UNC13C: variants seen among roughly 807,000 people sequenced by gnomAD.
UNC13C encodes protein unc-13 homolog C.
A neutral mutation model predicts 245.4 loss-of-function variants in UNC13C; 174 were observed. The observed-to-expected ratio is 0.71, with a 90% CI of 0.63 to 0.80. The LOEUF (loss-of-function observed/expected upper bound fraction) is 0.80. Ranked by LOEUF, UNC13C falls within the 30% of genes least tolerant of loss-of-function variation. The pLI is 0.00. For missense variants in UNC13C, 2,829 were observed against 2,602.9 expected (o/e 1.09, Z -1.89); for synonymous variants, 992 against 895.1 (o/e 1.11, Z -1.93).
the UNC13C span, among the ~76,000 whole-genome samples, chr15:53,861,597 C>A: frequency 6.6e-6 from 1 of 151,998 alleles, no homozygotes; most frequent in South Asian, 2.1e-4. Flanking sequence ...CCTGGGGCAA[C>A]AATTAAAGTA....
At chr15:54,202,336 A>C (rs2034549494) in intron 4 of UNC13C, among the ~76,000 whole-genome samples, 1 of 152,012 alleles carries the variant, frequency 6.6e-6, no homozygotes, top group Admixed American at 6.6e-5. Flanking sequence ...ACTCATATGG[A>C]ACCAAAAAAG....
chr15:54,564,402 AT>A (rs1897420359), intron 29 of UNC13C, among the ~76,000 whole-genome samples: 1 of 152,004 alleles, frequency 6.6e-6, no homozygotes, highest in African/African-American at 2.4e-5. Flanking sequence ...CACACACCTT[AT>A]TTATGATTTC....
intron 2 of UNC13C, among the ~76,000 whole-genome samples, chr15:54,029,642 G>A (rs1241725359): frequency 6.6e-6 from 1 of 152,192 alleles, no homozygotes; most frequent in Non-Finnish European, 1.5e-5. Context: ...ATTATTATTA[G>A]TAATCAGCAA....
At chr15:54,120,284 A>T (rs1263699642) in intron 2 of UNC13C, among the ~76,000 whole-genome samples, 1 of 152,146 alleles carries the variant, frequency 6.6e-6, no homozygotes, top group Non-Finnish European at 1.5e-5. Flanking sequence ...TCCATTTTGC[A>T]TTCTGAAAAT....
At chr15:54,254,029 G>T (rs1235590493) in intron 8 of UNC13C, among the ~76,000 whole-genome samples, 1 of 152,216 alleles carries the variant, frequency 6.6e-6, no homozygotes, top group Admixed American at 6.5e-5. Flanking sequence ...TTTGTGAGAT[G>T]TGTTCTTTAG....
At chr15:54,056,643 C>A (rs1897540519) in intron 2 of UNC13C, among the ~76,000 whole-genome samples, 2 of 152,174 alleles carry the variant, frequency 1.3e-5, no homozygotes, top group Admixed American at 1.3e-4. Context: ...AGAGCAACTC[C>A]AAGACACATA....
chr15:54,414,923 T>G, intron 18 of UNC13C, 59 bp from the exon 19 acceptor site: 1 of 1,187,824 alleles, frequency 8.4e-7, no homozygotes, highest in Non-Finnish European at 1.2e-6. Context: ...AAATGCTGTA[T>G]TTTGGTTTTT....
At chr15:54,552,378 C>G (rs1307131085) in intron 28 of UNC13C, among the ~76,000 whole-genome samples, 1 of 98,418 alleles carries the variant, frequency 1.0e-5, no homozygotes, top group Non-Finnish European at 1.9e-5. Context: ...TTATATATTA[C>G]AGCATATAAT....
chr15:54,282,247 A>G (rs2037016692), intron 10 of UNC13C, among the ~76,000 whole-genome samples: 1 of 152,244 alleles, frequency 6.6e-6, no homozygotes, highest in Non-Finnish European at 1.5e-5. Context: ...AATCATAAAT[A>G]TATGAACACA....
At chr15:53,898,411 TAC>T in the UNC13C span, among the ~76,000 whole-genome samples, 93,280 of 150,872 alleles carry the variant, frequency 0.62, 29,156 homozygotes, top group African/African-American at 0.72. Flanking sequence ...TCCAGACACA[TAC>T]ACACACACAC....
At chr15:53,866,314 C>T in the UNC13C span, among the ~76,000 whole-genome samples, 2 of 152,036 alleles carry the variant, frequency 1.3e-5, no homozygotes, top group African/African-American at 2.4e-5. Flanking sequence ...AAGGAATAAA[C>T]ACAACTAATG....
At chr15:54,631,000 A>G (rs368263835), downstream of UNC13C, 4 of 152,116 alleles carry the variant, frequency 2.6e-5, no homozygotes, top group East Asian at 3.9e-4. Context: ...ATATTTATTA[A>G]AAAGTATATA....
At chr15:54,531,019 A>G (rs192336698) in intron 25 of UNC13C, among the ~76,000 whole-genome samples, 2 of 152,270 alleles carry the variant, frequency 1.3e-5, no homozygotes, top group Non-Finnish European at 2.9e-5. Flanking sequence ...CACAGGTTCA[A>G]GTGGGAGGAT....
Position 54,338,480 on chromosome 15 carries a change from A to G in UNC13C, c.4704A>G (p.Leu1568=). ...ACTGCCATGAACTCTACTCCCAGCT[A>G]ACAGACCCGGTAAGAAAATATGTAT... ...FDNCHELYSQ[L]TDPSKKQDIP... is the part of the protein sequence containing the mutation. Residue 1568 remains leucine, a synonymous_variant, in exon 17 of 33, where the codon CTA becomes CTG. Transcript: ENST00000260323. 1 of 1,612,950 alleles carries G rather than the reference A, an allele frequency of 6.2e-7. No individual in the cohort carries two copies. The highest frequency in any genetic ancestry group is 1.3e-5 in the African/African-American group (1 of 75,028).
chr15:54,612,194 A>G (rs1851006), intron 30 of UNC13C, among the ~76,000 whole-genome samples: 72,311 of 151,780 alleles, frequency 0.48, 17,423 homozygotes, highest in East Asian at 0.57. Flanking sequence ...CATCATCAAT[A>G]GTGGACTCGA....
chr15:54,137,194 A>G (rs938458040), intron 2 of UNC13C, among the ~76,000 whole-genome samples: 1 of 152,202 alleles, frequency 6.6e-6, no homozygotes. Flanking sequence ...TCCTAGGGAT[A>G]AATTCCATTT....
In UNC13C at chr15:54,627,138, T is replaced by A; in HGVS notation, c.*25T>A. 6.3e-7 allele frequency: 1 copy of A among 1,582,864 alleles called. No individual in the cohort carries two copies. Among genetic ancestry groups the A allele is most frequent in the Non-Finnish European group, 8.6e-7 (1 of 1,164,486 alleles). On this transcript the variant is annotated 3_prime_UTR_variant, in exon 33 of 33. Coordinates refer to ENST00000260323, the MANE Select transcript of UNC13C (RefSeq NM_001080534.3). ...AAACAAACACTGCAAGCTAAATACATAACTATAATTGTTTGACTACTGCAT... is the reference window on the plus strand; with the variant it reads ...AAACAAACACTGCAAGCTAAATACAAAACTATAATTGTTTGACTACTGCAT...
intron 18 of UNC13C, among the ~76,000 whole-genome samples, chr15:54,401,742 A>G (rs2040190001): frequency 6.6e-6 from 1 of 152,084 alleles, no homozygotes; most frequent in Admixed American, 6.6e-5. Context: ...GTGGTCGTTC[A>G]ACGCACTCTT....
At position 54,438,597 on chromosome 15, in the gene UNC13C, C is replaced by G. The variant is rs114309607; in HGVS notation, c.4933+23530C>G. The stretch of plus-strand genomic sequence containing the variant: ...CATACCTTAATGTTTATGTTCTTGC[C>G]ATCAAGGCATAATTTCTCTAATTTG... On this transcript the variant is annotated intron_variant, in intron 19 of 32. Transcript: ENST00000260323. 7.9e-3 allele frequency among the ~76,000 whole-genome samples: 1,195 copies of G among 152,022 alleles called. 8 individuals carry two copies. The highest frequency in any genetic ancestry group is 0.027 in the African/African-American group (1,132 of 41,516).
Sources: gnomAD v4.1 joint callset for allele counts (sites outside exome capture counted in the v4.1 genomes callset) on GRCh38, gnomAD v4.1.1 for gene constraint, MANE v1.5 for transcripts, NCBI Gene and HGNC (gene_info 2026-07-23, HGNC 2026-07-21) for gene names.